GRK3: variants seen among roughly 807,000 people sequenced by gnomAD.
The protein encoded by GRK3 is G protein-coupled receptor kinase 3.
A neutral mutation model predicts 95.7 loss-of-function variants in GRK3; 54 were observed. The ratio of observed to expected loss-of-function variants is 0.56; its 90% CI spans 0.45 to 0.71. The LOEUF (loss-of-function observed/expected upper bound fraction) is 0.71. Ranked by LOEUF, GRK3 falls within the 30% of genes least tolerant of loss-of-function variation. The pLI is 0.00. For missense variants in GRK3, 649 were observed against 851.2 expected (o/e 0.76, Z 2.96); for synonymous variants, 281 against 290.8 (o/e 0.97, Z 0.34).
chr22:25,687,720 C>T, intron 11 of GRK3, 53 bp downstream of exon 11: 2 of 1,591,960 alleles, frequency 1.3e-6, no homozygotes, highest in Non-Finnish European at 8.6e-7. Context: ...GTGAATGGTC[C>T]TCTAGAAGTC....
intron 2 of GRK3, among the ~76,000 whole-genome samples, chr22:25,621,194 A>T (rs191842652): frequency 6.6e-6 from 1 of 152,278 alleles, no homozygotes; most frequent in African/African-American, 2.4e-5. Context: ...GAGGACAGCA[A>T]TTCCCACAAG....
At chr22:25,645,926 A>G (rs1395891548) in intron 3 of GRK3, among the ~76,000 whole-genome samples, 2 of 152,164 alleles carry the variant, frequency 1.3e-5, no homozygotes, top group Admixed American at 6.5e-5. Context: ...ATCTCAAAAA[A>G]AAAAAAAAGA....
At position 25,630,818 on chromosome 22, in the gene GRK3, G is replaced by T. The variant is rs188411713; in HGVS notation, c.191-13774G>T. ...TTTTATTGATATGCTGGAAGAATAC[G>T]TATGTGTTGAATTTAAATTGTGGGC... On this transcript the variant is annotated intron_variant, in intron 2 of 20. Coordinates refer to ENST00000324198, the MANE Select transcript of GRK3 (RefSeq NM_005160.4). 6.6e-5 allele frequency among the ~76,000 whole-genome samples: 10 copies of T among 152,284 alleles called. No individual in the cohort carries two copies. In the East Asian group the frequency reaches 1.9e-3, roughly 29 times the overall value.
intron 1 of GRK3, among the ~76,000 whole-genome samples, chr22:25,582,872 C>G (rs1380829613): frequency 1.3e-5 from 2 of 152,136 alleles, no homozygotes; most frequent in African/African-American, 2.4e-5. Flanking sequence ...AGTACAGATA[C>G]TCTGGGCTTT....
At chr22:25,572,738 C>A in intron 1 of GRK3, among the ~76,000 whole-genome samples, 1 of 152,198 alleles carries the variant, frequency 6.6e-6, no homozygotes, top group East Asian at 1.9e-4. Flanking sequence ...AGAGTTGACT[C>A]ATTCTTTAGA....
chr22:25,659,816 C>G (rs754674800), intron 3 of GRK3, among the ~76,000 whole-genome samples: 2 of 152,174 alleles, frequency 1.3e-5, no homozygotes, highest in Non-Finnish European at 2.9e-5. Context: ...AGGCACAAGG[C>G]TCTTAGTCAA....
intron 3 of GRK3, among the ~76,000 whole-genome samples, chr22:25,654,165 A>G (rs1270733564): frequency 6.6e-6 from 1 of 152,234 alleles, no homozygotes; most frequent in Non-Finnish European, 1.5e-5. Context: ...AAATGAATAT[A>G]CTTCTAAACA....
At chr22:25,608,675 A>T (rs1443002843) in intron 2 of GRK3, among the ~76,000 whole-genome samples, 3 of 152,196 alleles carry the variant, frequency 2.0e-5, no homozygotes, top group Non-Finnish European at 4.4e-5. Flanking sequence ...ATCCCAAACC[A>T]CAAAGCACAG....
At chr22:25,572,538 G>A (rs1000476078) in intron 1 of GRK3, among the ~76,000 whole-genome samples, 2 of 151,986 alleles carry the variant, frequency 1.3e-5, no homozygotes, top group African/African-American at 2.4e-5. Context: ...TTTAATGATC[G>A]CCCTTCTAAC....
intron 2 of GRK3, among the ~76,000 whole-genome samples, chr22:25,641,775 A>G (rs1229257872): frequency 6.6e-6 from 1 of 152,170 alleles, no homozygotes; most frequent in Non-Finnish European, 1.5e-5. Context: ...TGTCAGAGAA[A>G]CTACAGTACA....
intron 1 of GRK3, among the ~76,000 whole-genome samples, chr22:25,587,097 G>C (rs1290222382): frequency 6.6e-6 from 1 of 152,150 alleles, no homozygotes; most frequent in South Asian, 2.1e-4. Context: ...CACCATGTCA[G>C]CCAGGCTGGT....
chr22:25,686,580 A>G (rs1158943738), intron 10 of GRK3, among the ~76,000 whole-genome samples: 1 of 152,248 alleles, frequency 6.6e-6, no homozygotes, highest in Non-Finnish European at 1.5e-5. Context: ...ATTCATTTTT[A>G]TAAATCAATA....
chr22:25,699,058 G>A (rs2085234668), intron 13 of GRK3, among the ~76,000 whole-genome samples: 1 of 152,142 alleles, frequency 6.6e-6, no homozygotes, highest in African/African-American at 2.4e-5. Context: ...TGAAGTGTAC[G>A]GAGGGCCTTT....
At chr22:25,607,085 T>G (rs1245240242) in intron 2 of GRK3, among the ~76,000 whole-genome samples, 1 of 151,014 alleles carries the variant, frequency 6.6e-6, no homozygotes. Context: ...TGTATGTGTT[T>G]GTGTGTGTGT....
chr22:25,641,043 C>A (rs1043406850), intron 2 of GRK3, among the ~76,000 whole-genome samples: 11 of 152,194 alleles, frequency 7.2e-5, no homozygotes, highest in African/African-American at 2.7e-4. Flanking sequence ...GCCTAGGACA[C>A]AGTGATCTAG....
chr22:25,676,111 A>G (rs1307436632), intron 8 of GRK3, among the ~76,000 whole-genome samples: 1 of 152,152 alleles, frequency 6.6e-6, no homozygotes, highest in African/African-American at 2.4e-5. Context: ...GTTGTGTGTT[A>G]AGTACAAGGA....
chr22:25,573,063 G>T (rs1174586394), intron 1 of GRK3, among the ~76,000 whole-genome samples: 3 of 152,144 alleles, frequency 2.0e-5, no homozygotes, highest in African/African-American at 7.2e-5. Flanking sequence ...TTTTGTGGTT[G>T]TGAGAAACAA....
chr22:25,688,768 T>C (rs1451394782), intron 11 of GRK3, among the ~76,000 whole-genome samples: 1 of 152,228 alleles, frequency 6.6e-6, no homozygotes, highest in Non-Finnish European at 1.5e-5. Flanking sequence ...GACACTCACC[T>C]AGTTGTATGG....
At chr22:25,583,767 G>A (rs1443834958) in intron 1 of GRK3, among the ~76,000 whole-genome samples, 2 of 152,150 alleles carry the variant, frequency 1.3e-5, no homozygotes, top group African/African-American at 4.8e-5. Flanking sequence ...ATTAGACATA[G>A]CTAATATACC....
Sources: gnomAD v4.1 joint callset for allele counts (sites outside exome capture counted in the v4.1 genomes callset) on GRCh38, gnomAD v4.1.1 for gene constraint, MANE v1.5 for transcripts, NCBI Gene and HGNC (gene_info 2026-07-23, HGNC 2026-07-21) for gene names.